The following LMOD1 variants were observed in gnomAD, a reference collection of about 807,000 sequenced individuals.
LMOD1 encodes leiomodin 1.
LMOD1 carries 8 observed loss-of-function variants against 36.5 expected under a neutral mutation model. That is an observed-to-expected ratio of 0.22 (90% CI 0.13 to 0.40). The LOEUF is 0.40. Among genes scored for constraint, LMOD1 ranks in the 10% least tolerant of loss-of-function variants. The pLI is 1.00. For missense variants in LMOD1, 630 were observed against 751.1 expected (o/e 0.84, Z 1.88); for synonymous variants, 284 against 288.7 (o/e 0.98, Z 0.17).
At chr1:201,925,717 T>A (rs1008311047) in intron 1 of LMOD1, among the ~76,000 whole-genome samples, 2 of 151,294 alleles carry the variant, frequency 1.3e-5, no homozygotes, top group African/African-American at 4.9e-5. Context: ...ATTTTTTAAA[T>A]TTTTTTGAGA....
At chr1:201,926,148 G>T (rs1681822629) in intron 1 of LMOD1, among the ~76,000 whole-genome samples, 1 of 152,190 alleles carries the variant, frequency 6.6e-6, no homozygotes, top group Non-Finnish European at 1.5e-5. Flanking sequence ...GTGGGGCTTT[G>T]CTCTGCTTGG....
At chr1:201,942,069 G>A (rs979609233) in intron 1 of LMOD1, among the ~76,000 whole-genome samples, 3 of 152,164 alleles carry the variant, frequency 2.0e-5, no homozygotes, top group East Asian at 1.9e-4. Context: ...GAGAGTTCCC[G>A]GATGATTAGG....
At chr1:201,922,577 G>A (rs1488992812) in intron 1 of LMOD1, among the ~76,000 whole-genome samples, 4 of 152,106 alleles carry the variant, frequency 2.6e-5, no homozygotes, top group African/African-American at 7.2e-5. Flanking sequence ...TGGCTGGTGG[G>A]AGGAGAAATG....
intron 1 of LMOD1, among the ~76,000 whole-genome samples, chr1:201,925,597 A>T (rs1179957463): frequency 6.6e-6 from 1 of 151,128 alleles, no homozygotes; most frequent in Admixed American, 6.6e-5. Flanking sequence ...TAGAAGCAGG[A>T]GGATGAACCA....
At chr1:201,903,418 C>T (rs1157133206) in intron 1 of LMOD1, among the ~76,000 whole-genome samples, 1 of 152,190 alleles carries the variant, frequency 6.6e-6, no homozygotes, top group African/African-American at 2.4e-5. Context: ...CAGAGAGCTC[C>T]CCCTCCCACT....
intron 1 of LMOD1, among the ~76,000 whole-genome samples, chr1:201,925,357 G>A (rs767365113): frequency 4.6e-5 from 7 of 152,196 alleles, no homozygotes; most frequent in Admixed American, 6.5e-5. Context: ...AAGAGATAAC[G>A]TATGTGGAAG....
intron 1 of LMOD1, among the ~76,000 whole-genome samples, chr1:201,932,595 T>TA (rs1681943132): frequency 6.6e-6 from 1 of 151,542 alleles, no homozygotes; most frequent in Non-Finnish European, 1.5e-5. Context: ...CTACTCAAAA[T>TA]AAAAAAATTA....
rs1681325129 is a variant in LMOD1, at chr1:201,901,654, A to ATG, written c.262-904_262-903insCA. Among the ~76,000 whole-genome samples the ATG allele has an allele frequency of 3.4e-5, 3 of 89,296 alleles. 1 individual carries two copies. Among genetic ancestry groups the ATG allele is most frequent in the African/African-American group, 1.2e-4 (3 of 24,196 alleles). 58.6% of individuals were successfully genotyped at this position (89,296 alleles called of 152,430 possible). A position where few individuals can be genotyped will look rare whatever the true frequency, so the allele number is the denominator to read the frequency against. On this transcript the variant is annotated intron_variant, in intron 1 of 2. Transcript: ENST00000367288. ...TGTATATATATATATATATACATAT[A>ATG]TATGTGTATATATATATATACACAT...
intron 1 of LMOD1, among the ~76,000 whole-genome samples, chr1:201,924,597 G>A (rs1403283381): frequency 2.7e-5 from 4 of 146,342 alleles, no homozygotes; most frequent in African/African-American, 5.1e-5. Context: ...GGGAGGGAGG[G>A]AAGGAAGGAA....
Position 201,900,403 on chromosome 1 carries a change from T to C in LMOD1, c.610A>G (p.Lys204Glu), listed in dbSNP as rs1167983510. ...TTCATCTCCTCTCTCTTTTTATCCT[T>C]GTCCCTGCTCAAGCCTGTGTTCCTG... is the stretch of plus-strand genomic sequence containing the variant. ...SDRNTGLSRD[K>E]DKKREEMKEV... The change falls in exon 2 of 3, where the codon AAG becomes GAG. Residue 204 changes from lysine (K) to glutamate (E), a missense_variant. Around this residue, in one of 3 missense-constraint regions of LMOD1, gnomAD observed 405 missense variants for 400.6 expected, o/e 1.01. Transcript: ENST00000367288. 53 of 1,566,228 alleles carry C rather than the reference T, an allele frequency of 3.4e-5. No homozygotes were observed. Among genetic ancestry groups the C allele is most frequent in the Non-Finnish European group, 4.4e-5 (51 of 1,154,744 alleles).
chr1:201,905,799 G>C, intron 1 of LMOD1, among the ~76,000 whole-genome samples: 1 of 152,264 alleles, frequency 6.6e-6, no homozygotes, highest in Non-Finnish European at 1.5e-5. Context: ...GAGTCTGCCT[G>C]TGCTTGCAGA....
chr1:201,907,834 C>T lies in LMOD1; in HGVS notation c.262-7083G>A, dbSNP rs574561401. Among the ~76,000 whole-genome samples, 12 of 152,260 alleles carry T rather than the reference C, an allele frequency of 7.9e-5. No homozygotes were observed. The East Asian group carries it at 2.3e-3, about 29-fold the overall frequency. The stretch of plus-strand genomic sequence containing the variant: ...CTTGCTCGTTCATCCATTCACGGCC[C>T]CATTCACCAAGAGGCTTCTGTCAAC... On this transcript the variant is annotated intron_variant, in intron 1 of 2. Coordinates refer to ENST00000367288, the MANE Select transcript of LMOD1 (RefSeq NM_012134.3).
At chr1:201,924,379 GGGAAGGAA>G (rs1295447157) in intron 1 of LMOD1, among the ~76,000 whole-genome samples, 1 of 94,432 alleles carries the variant, frequency 1.1e-5, no homozygotes, top group Non-Finnish European at 2.2e-5. Context: ...GAGGGAGGGA[GGGAAGGAA>G]GGAAGGAAGG....
intron 1 of LMOD1, among the ~76,000 whole-genome samples, chr1:201,907,345 G>A (rs1217327192): frequency 6.6e-6 from 1 of 152,182 alleles, no homozygotes; most frequent in East Asian, 1.9e-4. Flanking sequence ...CCTAGATCCC[G>A]ATGACAAGAA....
chr1:201,922,132 T>C (rs965672764), intron 1 of LMOD1, among the ~76,000 whole-genome samples: 1 of 152,208 alleles, frequency 6.6e-6, no homozygotes, highest in Non-Finnish European at 1.5e-5. Context: ...ACCCCTTGTA[T>C]GTTGCTGGTA....
At chr1:201,916,295 C>T (rs1018310730) in intron 1 of LMOD1, among the ~76,000 whole-genome samples, 1 of 152,016 alleles carries the variant, frequency 6.6e-6, no homozygotes, top group Non-Finnish European at 1.5e-5. Context: ...TGAGGGGAAG[C>T]TGGAGCCCAG....
intron 1 of LMOD1, among the ~76,000 whole-genome samples, chr1:201,941,580 T>C (rs1416618409): frequency 6.6e-6 from 1 of 152,166 alleles, no homozygotes; most frequent in African/African-American, 2.4e-5. Flanking sequence ...TCCTGATAGG[T>C]CCCAACCCTC....
At chr1:201,924,240 C>T (rs1296599269) in intron 1 of LMOD1, among the ~76,000 whole-genome samples, 1 of 148,656 alleles carries the variant, frequency 6.7e-6, no homozygotes, top group Non-Finnish European at 1.5e-5. Flanking sequence ...AGGAGAATGG[C>T]GTGAACCCGG....
chr1:201,925,707 A>G (rs1241287522), intron 1 of LMOD1, among the ~76,000 whole-genome samples: 2 of 147,334 alleles, frequency 1.4e-5, no homozygotes, highest in Non-Finnish European at 3.0e-5. Flanking sequence ...TCTATTTTTA[A>G]TTTTTTAAAT....
Sources: gnomAD v4.1 joint callset for allele counts (sites outside exome capture counted in the v4.1 genomes callset) on GRCh38, gnomAD v4.1.1 for gene constraint, gnomAD v4.1.1 regional missense constraint, MANE v1.5 for transcripts, NCBI Gene and HGNC (gene_info 2026-07-23, HGNC 2026-07-21) for gene names.